Variants in ANKRD6 observed in about 807,000 individuals in gnomAD.
ANKRD6 encodes the protein ankyrin repeat domain-containing protein 6.
In ANKRD6, 56 loss-of-function variants were observed where a neutral mutation model predicts 82.3. The ratio of observed to expected loss-of-function variants is 0.68; its 90% CI spans 0.55 to 0.85. The LOEUF (loss-of-function observed/expected upper bound fraction) is 0.85, where lower values mean the gene tolerates loss of function less well. Among genes scored for constraint, ANKRD6 ranks in the 40% least tolerant of loss-of-function variants. The probability of loss-of-function intolerance (pLI) is 0.00; values close to 1 mark genes in which losing one functional copy is unlikely to be tolerated. For synonymous variants in ANKRD6, 347 were observed against 352.1 expected, an observed-to-expected ratio of 0.99 and a Z score of 0.16; for missense variants, 852 against 907.6, an observed-to-expected ratio of 0.94 and a Z score of 0.79.
intron 1 of ANKRD6, among the ~76,000 whole-genome samples, chr6:89,490,793 A>G (rs957125856): frequency 1.3e-5 from 2 of 152,186 alleles, no homozygotes; most frequent in African/African-American, 2.4e-5. Flanking sequence ...TCTGGGGAGA[A>G]GTGCCATCTC....
chr6:89,506,287 CAA>C (rs1257907570), intron 1 of ANKRD6, among the ~76,000 whole-genome samples: 3 of 152,118 alleles, frequency 2.0e-5, no homozygotes, highest in Non-Finnish European at 4.4e-5. Context: ...ATGCATATAT[CAA>C]AACATGTTTA....
chr6:89,600,990 T>C (rs925479722), intron 3 of ANKRD6, among the ~76,000 whole-genome samples: 5 of 152,116 alleles, frequency 3.3e-5, no homozygotes, highest in Non-Finnish European at 7.4e-5. Flanking sequence ...TGAACCAAGA[T>C]GGCACCACTG....
chr6:89,494,555 G>T (rs1562634804), intron 1 of ANKRD6, among the ~76,000 whole-genome samples: 1 of 152,172 alleles, frequency 6.6e-6, no homozygotes, highest in African/African-American at 2.4e-5. Flanking sequence ...CCATTAATAG[G>T]AACCTGGTTT....
chr6:89,592,677 A>G (rs1795130973), intron 2 of ANKRD6, among the ~76,000 whole-genome samples: 1 of 152,184 alleles, frequency 6.6e-6, no homozygotes, highest in South Asian at 2.1e-4. Context: ...AAGTAGTTTA[A>G]ACAACAGACA....
chr6:89,519,146 G>A (rs114019742), intron 1 of ANKRD6, among the ~76,000 whole-genome samples: 2,808 of 152,256 alleles, frequency 0.018, 90 homozygotes, highest in African/African-American at 0.062. Context: ...GGGCTTCAGC[G>A]TATGAATTTT....
intron 13 of ANKRD6, among the ~76,000 whole-genome samples, chr6:89,625,078 T>G (rs1440998260): frequency 6.6e-6 from 1 of 151,986 alleles, no homozygotes; most frequent in Non-Finnish European, 1.5e-5. Context: ...AGGTCAGGAG[T>G]TCGAGACCAG....
At chr6:89,435,875 G>A (rs1323203696) in intron 1 of ANKRD6, among the ~76,000 whole-genome samples, 4 of 152,180 alleles carry the variant, frequency 2.6e-5, no homozygotes, top group Non-Finnish European at 5.9e-5. Flanking sequence ...CCTCTTCCTG[G>A]TTGATATGTT....
chr6:89,601,652 A>C (rs1159745605), intron 3 of ANKRD6: 1 of 152,204 alleles, frequency 6.6e-6, no homozygotes, highest in African/African-American at 2.4e-5. Flanking sequence ...CATAGCATTA[A>C]ATTTACTGTC....
intron 2 of ANKRD6, among the ~76,000 whole-genome samples, chr6:89,579,796 A>G (rs576125700): frequency 2.1e-4 from 32 of 150,176 alleles, no homozygotes; most frequent in Middle Eastern, 6.8e-3. Flanking sequence ...TGAGATGACA[A>G]AGTGTCTCAG....
chr6:89,585,457 T>C (rs1793487488), intron 2 of ANKRD6, among the ~76,000 whole-genome samples: 1 of 152,212 alleles, frequency 6.6e-6, no homozygotes, highest in South Asian at 2.1e-4. Flanking sequence ...GCCACTGAAT[T>C]ATACACTTAA....
chr6:89,623,458 A>G lies in ANKRD6; in HGVS notation c.946A>G (p.Arg316Gly). The G allele has an allele frequency of 6.2e-7, 1 of 1,610,006 alleles. No homozygotes were observed. The highest frequency in any genetic ancestry group is 8.5e-7 in the Non-Finnish European group (1 of 1,178,108). Residue 316 changes from arginine (R) to glycine (G), a missense_variant, in exon 11 of 16, where the codon AGA (arginine) becomes GGA (glycine). Transcript: ENST00000339746. The part of the protein sequence containing the change: ...DTPSSEQAVA[R>G]KEEAREEFLS... ...CCCCAGCAGTGAACAGGCTGTGGCC[A>G]GAAAAGAAGAAGCCAGAGAAGAGTT...
At chr6:89,601,257 C>G (rs1194032776) in intron 3 of ANKRD6, among the ~76,000 whole-genome samples, 1 of 152,066 alleles carries the variant, frequency 6.6e-6, no homozygotes, top group African/African-American at 2.4e-5. Context: ...TCAGCCTGAA[C>G]CTAACTGATA....
chr6:89,570,042 C>CGT (rs1301860033), intron 2 of ANKRD6, among the ~76,000 whole-genome samples: 1 of 132,232 alleles, frequency 7.6e-6, no homozygotes, highest in Non-Finnish European at 1.6e-5. Context: ...ATGTTATACT[C>CGT]GTGTGTGTGT....
chr6:89,597,542 T>C, intron 3 of ANKRD6, among the ~76,000 whole-genome samples: 1 of 152,320 alleles, frequency 6.6e-6, no homozygotes, highest in East Asian at 1.9e-4. Context: ...TAAGTATCAC[T>C]GTGTTCTCAT....
At chr6:89,469,409 A>G (rs966875946) in intron 1 of ANKRD6, among the ~76,000 whole-genome samples, 2 of 152,184 alleles carry the variant, frequency 1.3e-5, no homozygotes, top group African/African-American at 4.8e-5. Flanking sequence ...TAATATGTCC[A>G]GAGGACTGTT....
rs372115086 is a variant in ANKRD6 at position 89,630,482 on chromosome 6, C to T, written c.1662C>T (p.Ser554=). ...CAGGTCCAGCAGCAGCTTCCGACAGCTCCCCTCCAGTGGTTAGGCCCAAAG... is the reference window on the plus strand; with the variant it reads ...CAGGTCCAGCAGCAGCTTCCGACAGTTCCCCTCCAGTGGTTAGGCCCAAAG... ...VTAGPAAASD[S]SPPVVRPKEK... is the part of the protein sequence containing the mutation. The change falls in exon 16 of 16, where the codon AGC becomes AGT. Residue 554 remains serine (S), a synonymous_variant. Transcript: ENST00000339746. 6 of 1,613,974 alleles carry T rather than the reference C, an allele frequency of 3.7e-6. No homozygotes were observed. The African/African-American group carries it at 4.0e-5, about 11-fold the overall frequency.
intron 14 of ANKRD6, among the ~76,000 whole-genome samples, chr6:89,628,011 C>T (rs988765331): frequency 6.6e-6 from 1 of 152,102 alleles, no homozygotes; most frequent in South Asian, 2.1e-4. Flanking sequence ...ATAGTTTCTA[C>T]CCTCAGGGAG....
rs1272232920 is a variant in ANKRD6, at chr6:89,603,313, A to G, written c.318+186A>G. Among the ~76,000 whole-genome samples the G allele has an allele frequency of 2.7e-5, 4 of 150,622 alleles. No homozygotes were observed. The East Asian group carries it at 7.8e-4, about 29-fold the overall frequency. ...TGAAACACTATCTGGTATCCCAGCC[A>G]ATTGTAATTTTTTTTTTTTTTTTTT... is the stretch of plus-strand genomic sequence containing the variant. On this transcript the variant is annotated intron_variant, in intron 4 of 15. Coordinates refer to ENST00000339746, the MANE Select transcript of ANKRD6 (RefSeq NM_001242809.2).
rs577348536 is a variant in ANKRD6 at position 89,520,773 on chromosome 6, T to G, written c.-143-46061T>G. Among the ~76,000 whole-genome samples, 100 of 152,344 alleles carry G rather than the reference T, an allele frequency of 6.6e-4. 2 individuals carry two copies. In the South Asian group the frequency reaches 9.5e-3, roughly 15 times the overall value. ...TTTGTTTTGTCCTAGCACAGAACAG[T>G]AGGAATGTAGGTACAGGAAAAAATG... On this transcript the variant is annotated intron_variant, in intron 1 of 15. Coordinates refer to ENST00000339746, the MANE Select transcript of ANKRD6 (RefSeq NM_001242809.2).
Sources: allele counts gnomAD v4.1 joint callset (sites outside exome capture counted in the v4.1 genomes callset), GRCh38; gene constraint gnomAD v4.1.1; transcripts MANE v1.5; gene names NCBI Gene and HGNC (gene_info 2026-07-23, HGNC 2026-07-21).